Variants in GPHN observed in about 807,000 individuals in gnomAD.
GPHN encodes the protein gephyrin.
GPHN carries 17 observed loss-of-function variants against 95.5 expected under a neutral mutation model. The observed-to-expected ratio is 0.18, with a 90% CI of 0.12 to 0.27. The LOEUF is 0.27. Among genes scored for constraint, GPHN ranks in the 10% least tolerant of loss-of-function variants. GPHN has a pLI of 1.00. For synonymous variants in GPHN, 320 were observed against 322.5 expected, an observed-to-expected ratio of 0.99 and a Z score of 0.08; for missense variants, 660 against 978.1, an observed-to-expected ratio of 0.67 and a Z score of 4.34.
At chr14:67,733,318 T>A in the GPHN span, among the ~76,000 whole-genome samples, 2 of 152,202 alleles carry the variant, frequency 1.3e-5, no homozygotes, top group Non-Finnish European at 2.9e-5. Flanking sequence ...AATAACTTCA[T>A]CTTTAATTTA....
At chr14:66,879,455 T>C (rs1001748919) in intron 4 of GPHN, among the ~76,000 whole-genome samples, 1 of 151,966 alleles carries the variant, frequency 6.6e-6, no homozygotes, top group Non-Finnish European at 1.5e-5. Flanking sequence ...AGCCAGTACA[T>C]GGGGAAACCT....
At chr14:67,580,887 C>A in the GPHN span, 1 of 1,228,318 alleles carries the variant, frequency 8.1e-7, no homozygotes, top group South Asian at 1.2e-5. Flanking sequence ...ACCTTGATCC[C>A]TTCTCTCCTT....
the GPHN span, chr14:67,575,322 A>G: frequency 2.9e-5 from 26 of 910,280 alleles, no homozygotes; most frequent in Admixed American, 1.7e-4. Flanking sequence ...TGTGGCTTCT[A>G]TTTGCCAGTC....
the GPHN span, among the ~76,000 whole-genome samples, chr14:67,462,082 A>G: frequency 5.3e-5 from 8 of 152,340 alleles, no homozygotes; most frequent in Admixed American, 4.6e-4. Flanking sequence ...CAACAGCTAA[A>G]TCAGGCATAG....
At chr14:66,904,580 T>C (rs1196715101) in intron 5 of GPHN, among the ~76,000 whole-genome samples, 1 of 152,134 alleles carries the variant, frequency 6.6e-6, no homozygotes, top group Admixed American at 6.5e-5. Context: ...TCCAAGTCCC[T>C]GGTTGACCCA....
the GPHN span, chr14:67,200,135 G>T: frequency 1.8e-6 from 2 of 1,110,124 alleles, no homozygotes; most frequent in Non-Finnish European, 1.3e-6. Flanking sequence ...CCTCCATTCT[G>T]ATCTCCCATG....
chr14:66,903,113 ATAT>A (rs2065199126), intron 5 of GPHN, among the ~76,000 whole-genome samples: 2 of 152,134 alleles, frequency 1.3e-5, no homozygotes, highest in Non-Finnish European at 2.9e-5. Flanking sequence ...TCAGTTAGGC[ATAT>A]TAGGTCTGGT....
In GPHN at chr14:67,040,933, A is replaced by G. The variant is rs569870421; in HGVS notation, c.1006+17258A>G. On this transcript the variant is annotated intron_variant, in intron 10 of 22. Transcript: ENST00000478722. ...TAGTTAATGAGTACAGTTAATAAAT[A>G]TCTTGTAGGGATATACTTTGAGACC... is the stretch of plus-strand genomic sequence containing the variant. Among the ~76,000 whole-genome samples, 5 of 152,316 alleles carry G rather than the reference A, an allele frequency of 3.3e-5. No individual in the cohort carries two copies. In the South Asian group the frequency reaches 1.0e-3, roughly 32 times the overall value.
chr14:66,773,045 A>G (rs974473215), intron 2 of GPHN, among the ~76,000 whole-genome samples: 21 of 151,824 alleles, frequency 1.4e-4, no homozygotes, highest in African/African-American at 5.1e-4. Context: ...TCCTTCCTCT[A>G]CCATTTGGCT....
chr14:66,743,697 G>A (rs1442251594), intron 2 of GPHN, among the ~76,000 whole-genome samples: 1 of 152,148 alleles, frequency 6.6e-6, no homozygotes, highest in Non-Finnish European at 1.5e-5. Flanking sequence ...AGCGGAGATC[G>A]CGCCACTGCA....
intron 1 of GPHN, among the ~76,000 whole-genome samples, chr14:66,667,684 G>A (rs970447262): frequency 3.3e-5 from 5 of 151,932 alleles, no homozygotes; most frequent in Admixed American, 1.3e-4. Flanking sequence ...TGTAAAACCC[G>A]AAACTATAAA....
chr14:67,592,437 CTAAAA>C, the GPHN span: 12 of 546,284 alleles, frequency 2.2e-5, no homozygotes, highest in Non-Finnish European at 3.3e-5. Flanking sequence ...GACTCTGTCT[CTAAAA>C]TAAAATAAAA....
chr14:67,080,656 T>G (rs1418421149), intron 11 of GPHN, among the ~76,000 whole-genome samples: 2 of 152,170 alleles, frequency 1.3e-5, no homozygotes, highest in African/African-American at 4.8e-5. Context: ...GGTGTTTGTT[T>G]ACATGAGTAA....
intron 1 of GPHN, among the ~76,000 whole-genome samples, chr14:66,571,463 A>G (rs1163227727): frequency 6.6e-6 from 1 of 152,028 alleles, no homozygotes; most frequent in Non-Finnish European, 1.5e-5. Context: ...TTGATCATGT[A>G]CCTTGCTGGG....
At chr14:67,375,232 C>CTGTGTGTGTGTGTGTG in the GPHN span, among the ~76,000 whole-genome samples, 1 of 137,574 alleles carries the variant, frequency 7.3e-6, no homozygotes. Context: ...ATCCTCAGTT[C>CTGTGTGTGTGTGTGTG]TGTGTGTGTG....
At chr14:67,406,120 G>C in the GPHN span, among the ~76,000 whole-genome samples, 1 of 152,040 alleles carries the variant, frequency 6.6e-6, no homozygotes, top group Non-Finnish European at 1.5e-5. Flanking sequence ...TTAGCTGGGC[G>C]TGGTGGTGGG....
chr14:67,512,640 G>A, the GPHN span, among the ~76,000 whole-genome samples: 1,039 of 152,214 alleles, frequency 6.8e-3, 15 homozygotes, highest in Admixed American at 0.035. Context: ...TGATACAGTT[G>A]CCGATAAGAC....
At chr14:67,480,982 G>A in the GPHN span, among the ~76,000 whole-genome samples, 2 of 152,178 alleles carry the variant, frequency 1.3e-5, no homozygotes, top group African/African-American at 4.8e-5. Context: ...GAGAAACCTA[G>A]GGTGAGAGAC....
the GPHN span, among the ~76,000 whole-genome samples, chr14:67,500,860 C>T: frequency 2.6e-5 from 4 of 151,776 alleles, no homozygotes; most frequent in African/African-American, 7.3e-5. Context: ...CATGAGCCAC[C>T]GCGCCTGGCC....
Sources: gnomAD v4.1 joint callset for allele counts (sites outside exome capture counted in the v4.1 genomes callset) on GRCh38, gnomAD v4.1.1 for gene constraint, MANE v1.5 for transcripts, NCBI Gene and HGNC (gene_info 2026-07-23, HGNC 2026-07-21) for gene names.